WRAP73: variants seen among roughly 807,000 people sequenced by gnomAD.
WRAP73 encodes the protein WD repeat containing, antisense to TP73, also known as WD repeat-containing protein WRAP73.
A neutral mutation model predicts 59.6 loss-of-function variants in WRAP73; 55 were observed. The ratio of observed to expected loss-of-function variants is 0.92; its 90% CI spans 0.74 to 1.15. WRAP73 has a LOEUF of 1.15. Ranked by LOEUF, WRAP73 falls within the 50% of genes most tolerant of loss-of-function variation. The probability of loss-of-function intolerance (pLI) is 0.00; values close to 1 mark genes in which losing one functional copy is unlikely to be tolerated. For synonymous variants in WRAP73, 265 were observed against 258.2 expected, an observed-to-expected ratio of 1.03 and a Z score of -0.25; for missense variants, 592 against 608.1, an observed-to-expected ratio of 0.97 and a Z score of 0.28.
intron 10 of WRAP73, 160 bp from the exon 11 acceptor site, chr1:3,631,817 G>A (rs1266013093): frequency 2.8e-6 from 4 of 1,425,976 alleles, no homozygotes; most frequent in South Asian, 1.5e-5. Context: ...GGCCCTGTAG[G>A]GCTCCTGGCC....
At chr1:3,648,448 G>C (rs760027868) in intron 1 of WRAP73, among the ~76,000 whole-genome samples, 1 of 152,196 alleles carries the variant, frequency 6.6e-6, no homozygotes, top group Non-Finnish European at 1.5e-5. Flanking sequence ...GGCGGGTGAC[G>C]GCAGATTGGA....
In WRAP73 at chr1:3,646,010, T is replaced by C. The variant is rs904030862; in HGVS notation, c.339+656A>G. On this transcript the variant is annotated intron_variant, in intron 3 of 11. Transcript: ENST00000270708. The surrounding 1 kb of genome is among the most constrained non-coding windows in gnomAD (Gnocchi z 5.1). Reference sequence around the variant, plus strand: ...ATTAAGATTTTTAAAATGTTTTTTCTTCAAAACTGGACAAAAGATCAGACA... The same window carrying C: ...ATTAAGATTTTTAAAATGTTTTTTCCTCAAAACTGGACAAAAGATCAGACA... Among the ~76,000 whole-genome samples the C allele has an allele frequency of 2.0e-5, 3 of 152,222 alleles. No individual in the cohort carries two copies. The highest frequency in any genetic ancestry group is 4.4e-5 in the Non-Finnish European group (3 of 68,040).
At chr1:3,634,930 G>A in intron 8 of WRAP73, 67 bp downstream of exon 8, 1 of 1,555,164 alleles carries the variant, frequency 6.4e-7, no homozygotes, top group Non-Finnish European at 8.9e-7. Flanking sequence ...AAAGCAAAGT[G>A]AAGGAGCAGT....
intron 5 of WRAP73, chr1:3,636,451 A>C (rs982526126): frequency 3.3e-6 from 1 of 300,414 alleles, no homozygotes; most frequent in Non-Finnish European, 6.5e-6. Context: ...TCTCCCCCTC[A>C]CCTTTCCTTG....
At chr1:3,636,852 C>A in intron 5 of WRAP73, 143 bp downstream of exon 5, 1 of 873,998 alleles carries the variant, frequency 1.1e-6, no homozygotes, top group Non-Finnish European at 1.8e-6. Flanking sequence ...GGAAGTGATT[C>A]GCAGCGCACC....
At chr1:3,648,785 AC>A (rs1230891409) in intron 1 of WRAP73, among the ~76,000 whole-genome samples, 4 of 152,232 alleles carry the variant, frequency 2.6e-5, no homozygotes, top group African/African-American at 7.2e-5. Context: ...AATGGTAAAA[AC>A]AAAAAACAAA....
At chr1:3,649,659 T>C (rs1644722284) in intron 1 of WRAP73, among the ~76,000 whole-genome samples, 1 of 149,266 alleles carries the variant, frequency 6.7e-6, no homozygotes, top group South Asian at 2.2e-4. Context: ...CCGCACCTGC[T>C]TGGGGTACCT....
chr1:3,631,733 T>G, intron 10 of WRAP73, 76 bp from the exon 11 acceptor site: 1 of 1,522,996 alleles, frequency 6.6e-7, no homozygotes. Context: ...TCTGCTCTGC[T>G]GTTGACACCA....
chr1:3,645,913 C>A (rs1269801605), intron 3 of WRAP73, among the ~76,000 whole-genome samples: 5 of 152,130 alleles, frequency 3.3e-5, no homozygotes, highest in African/African-American at 4.8e-5. Flanking sequence ...AGGAAAGGTG[C>A]GAGCCGGCTC....
chr1:3,637,143 C>G (rs1644596107), intron 4 of WRAP73, 45 bp from the exon 5 acceptor site: 1 of 1,519,364 alleles, frequency 6.6e-7, no homozygotes, highest in South Asian at 1.2e-5. Flanking sequence ...GCCACAAAAT[C>G]AAGCAAGAGA....
At chr1:3,647,387 A>C in intron 2 of WRAP73, 21 bp downstream of exon 2, 1 of 1,599,174 alleles carries the variant, frequency 6.3e-7, no homozygotes, top group Non-Finnish European at 8.5e-7. Flanking sequence ...TCCAGATTCT[A>C]AGCGACACGG....
At chr1:3,636,251 G>A (rs187782564) in intron 5 of WRAP73, 16 of 563,138 alleles carry the variant, frequency 2.8e-5, no homozygotes, top group Non-Finnish European at 5.1e-5. Flanking sequence ...CCCCAAGGGC[G>A]GCTTGGTCTC....
intron 6 of WRAP73, 126 bp downstream of exon 6, chr1:3,635,818 C>G (rs1165737236): frequency 3.5e-6 from 3 of 850,082 alleles, no homozygotes; most frequent in African/African-American, 3.4e-5. Context: ...AAGACCCTGT[C>G]TTTTAAAACA....
At chr1:3,648,638 CAAG>C (rs1314543955) in intron 1 of WRAP73, among the ~76,000 whole-genome samples, 1 of 152,174 alleles carries the variant, frequency 6.6e-6, no homozygotes, top group Non-Finnish European at 1.5e-5. Flanking sequence ...TCAGGGCTTT[CAAG>C]AAGATGATTC....
chr1:3,650,016 G>T lies in WRAP73; in HGVS notation c.-17C>A. 2 of 1,584,474 alleles carry T rather than the reference G, an allele frequency of 1.3e-6. No individual in the cohort carries two copies. The highest frequency in any genetic ancestry group is 2.4e-5 in the East Asian group (1 of 41,954). ...GAAGTTCATGGCCGCCGCCTGCCGC[G>T]GGCGCCACCCTGCGCCCGAAAACCC... On this transcript the variant is annotated 5_prime_UTR_variant, in exon 1 of 12. Coordinates refer to ENST00000270708, the MANE Select transcript of WRAP73 (RefSeq NM_017818.4).
Position 3,638,786 on chromosome 1 carries a change from C to T in WRAP73, c.376G>A (p.Val126Met), listed in dbSNP as rs753929735. The change falls in exon 4 of 12, where the codon GTG becomes ATG. Residue 126 changes from valine to methionine, a missense_variant. Coordinates refer to ENST00000270708, the MANE Select transcript of WRAP73 (RefSeq NM_017818.4). ...ITVWSLCTKSVSYIKYPKACL... is the reference protein window; with the variant it reads ...ITVWSLCTKSMSYIKYPKACL... The stretch of plus-strand genomic sequence containing the variant: ...GCTTTCGGGTATTTGATGTAAGACA[C>T]GGATTTTGTGCACAAGGACCAGACG... 26 of 1,613,986 alleles carry T rather than the reference C, an allele frequency of 1.6e-5. No individual in the cohort carries two copies. Among genetic ancestry groups the T allele is most frequent in the East Asian group, 2.2e-5 (1 of 44,898 alleles).
Position 3,631,542 on chromosome 1 carries a change from C to T in WRAP73, c.1164G>A (p.Leu388=). 2 of 1,611,002 alleles carry T rather than the reference C, an allele frequency of 1.2e-6. No homozygotes were observed. The highest frequency in any genetic ancestry group is 8.5e-7 in the Non-Finnish European group (1 of 1,179,340). ...AFQWDPQQPR[L]AICTGGSRLY... is the part of the protein sequence containing the mutation. ...GCCTGCTGCCTCCCGTGCAGATGGC[C>T]AGCCGCGGCTGCTGCGGGTCCCACT... is the stretch of plus-strand genomic sequence containing the variant. Residue 388 remains leucine, a synonymous_variant, in exon 11 of 12, where the codon CTG becomes CTA. Transcript: ENST00000270708.
rs1644595850 is a variant in WRAP73, at chr1:3,637,116, T to G, written c.413-18A>C. On this transcript the variant is annotated intron_variant, in intron 4 of 11. Coordinates refer to ENST00000270708, the MANE Select transcript of WRAP73 (RefSeq NM_017818.4). The stretch of plus-strand genomic sequence containing the variant: ...GGTGATTCCTGTGGGAAGAGGCAAA[T>G]GCACTGAAATCAAGCGGCCACAAAA... 5.0e-6 allele frequency: 8 copies of G among 1,590,950 alleles called. No individual in the cohort carries two copies. Among genetic ancestry groups the G allele is most frequent in the Non-Finnish European group, 6.8e-6 (8 of 1,167,970 alleles).
chr1:3,633,140 A>T (rs930982369), intron 9 of WRAP73: 1 of 440,520 alleles, frequency 2.3e-6, no homozygotes. Context: ...CCGGAAAAAC[A>T]TCCCCTCGGA....
Sources: gnomAD v4.1 joint callset for allele counts (sites outside exome capture counted in the v4.1 genomes callset) on GRCh38, gnomAD v4.1.1 for gene constraint, Gnocchi (gnomAD v3.1) non-coding constraint, MANE v1.5 for transcripts, NCBI Gene and HGNC (gene_info 2026-07-23, HGNC 2026-07-21) for gene names.